Variants in NRG3 observed in about 807,000 individuals in gnomAD.
NRG3 encodes the protein pro-neuregulin-3, membrane-bound isoform.
In NRG3, 31 loss-of-function variants were observed where a neutral mutation model predicts 66.9. The ratio of observed to expected loss-of-function variants is 0.46; its 90% CI spans 0.35 to 0.63. The LOEUF (loss-of-function observed/expected upper bound fraction) is 0.63, where lower values mean the gene tolerates loss of function less well. Ranked by LOEUF, NRG3 falls within the 20% of genes least tolerant of loss-of-function variation. The pLI is 0.00. For missense variants in NRG3, 910 were observed against 878.9 expected (o/e 1.04, Z -0.45); for synonymous variants, 393 against 359.4 (o/e 1.09, Z -1.06).
chr10:81,897,193 T>C lies in NRG3; in HGVS notation c.823+21030T>C, dbSNP rs188698171. ...GCGTGCCTGAGCATAATAAACATGC[T>C]AAGGAGTGGTAGGAAGTGAAATGGG... On this transcript the variant is annotated intron_variant, in intron 1 of 8. Transcript: ENST00000372141. 5.5e-4 allele frequency among the ~76,000 whole-genome samples: 84 copies of C among 152,158 alleles called. 1 individual carries two copies. The South Asian group carries it at 0.012, about 22-fold the overall frequency.
intron 2 of NRG3, among the ~76,000 whole-genome samples, chr10:82,720,581 T>G (rs1376084557): frequency 6.6e-6 from 1 of 151,832 alleles, no homozygotes; most frequent in Non-Finnish European, 1.5e-5. Flanking sequence ...AACTTCAATC[T>G]CTAAACCTAC....
At chr10:81,923,769 A>T (rs991422050) in intron 1 of NRG3, among the ~76,000 whole-genome samples, 3 of 151,964 alleles carry the variant, frequency 2.0e-5, no homozygotes. Context: ...TGAACCACAT[A>T]ATGTTTTGTT....
chr10:82,342,981 C>A (rs2082762962), intron 1 of NRG3, among the ~76,000 whole-genome samples: 2 of 152,052 alleles, frequency 1.3e-5, no homozygotes, highest in African/African-American at 4.8e-5. Context: ...CATCCGTCTG[C>A]ATATGGTTAT....
At chr10:82,653,546 C>T (rs1484409613) in intron 2 of NRG3, among the ~76,000 whole-genome samples, 1 of 151,912 alleles carries the variant, frequency 6.6e-6, no homozygotes, top group Non-Finnish European at 1.5e-5. Flanking sequence ...GACATTTCTT[C>T]TTGTAAGGCC....
chr10:82,208,920 G>A (rs907245262), intron 1 of NRG3, among the ~76,000 whole-genome samples: 3 of 152,032 alleles, frequency 2.0e-5, no homozygotes, highest in Non-Finnish European at 4.4e-5. Flanking sequence ...GGAACATATG[G>A]TCCATGTTCA....
intron 3 of NRG3, among the ~76,000 whole-genome samples, chr10:82,751,327 G>A (rs146580736): frequency 1.3e-5 from 2 of 152,138 alleles, no homozygotes; most frequent in Middle Eastern, 3.4e-3. Context: ...CCATGAGAAG[G>A]TTATCAAATT....
intron 3 of NRG3, among the ~76,000 whole-genome samples, chr10:82,829,747 G>GAACTCC (rs1564543466): frequency 2.6e-5 from 4 of 152,168 alleles, no homozygotes; most frequent in African/African-American, 9.7e-5. Flanking sequence ...TTGTTTGGTT[G>GAACTCC]TGTGATTACA....
intron 3 of NRG3, among the ~76,000 whole-genome samples, chr10:82,764,688 A>G (rs1053608098): frequency 6.6e-6 from 1 of 152,140 alleles, no homozygotes; most frequent in African/African-American, 2.4e-5. Flanking sequence ...CAAATAAAAA[A>G]TTTTTAAAAA....
At chr10:82,977,229 C>G (rs1450950676) in intron 7 of NRG3, among the ~76,000 whole-genome samples, 1 of 152,164 alleles carries the variant, frequency 6.6e-6, no homozygotes, top group African/African-American at 2.4e-5. Context: ...AGCAAATTAG[C>G]TGTTAGAGAG....
intron 2 of NRG3, among the ~76,000 whole-genome samples, chr10:82,589,542 C>A (rs910867509): frequency 6.6e-6 from 1 of 152,136 alleles, no homozygotes; most frequent in African/African-American, 2.4e-5. Context: ...TAATGAGGGG[C>A]AATTCTGCTT....
intron 1 of NRG3, among the ~76,000 whole-genome samples, chr10:82,282,740 G>A (rs916554158): frequency 6.6e-6 from 1 of 152,142 alleles, no homozygotes; most frequent in Non-Finnish European, 1.5e-5. Context: ...GATGGGACAT[G>A]GTGGTCCCCT....
intron 4 of NRG3, 23 bp downstream of exon 4, chr10:82,865,460 T>G (rs759185982): frequency 8.1e-6 from 13 of 1,610,086 alleles, no homozygotes; most frequent in Non-Finnish European, 1.1e-5. Context: ...AATTTGCTCA[T>G]TTAATATCCT....
intron 2 of NRG3, among the ~76,000 whole-genome samples, chr10:82,577,044 A>G (rs1342332604): frequency 1.3e-5 from 2 of 151,588 alleles, no homozygotes; most frequent in African/African-American, 2.4e-5. Context: ...TGTTCCTCTA[A>G]TTTCTACTTT....
chr10:82,120,469 C>A (rs1033365923), intron 1 of NRG3, among the ~76,000 whole-genome samples: 1 of 151,850 alleles, frequency 6.6e-6, no homozygotes, highest in African/African-American at 2.4e-5. Context: ...GCTTATTAAC[C>A]CAGGGTTTAT....
Position 82,003,862 on chromosome 10 carries a change from A to G in NRG3, c.823+127699A>G, listed in dbSNP as rs564573986. ...AGGAAGTTGCTGTGCCTTAAAAATG[A>G]CACCTTAGAGCTGGGTGTGTTGGCA... is the stretch of plus-strand genomic sequence containing the variant. On this transcript the variant is annotated intron_variant, in intron 1 of 8. Transcript: ENST00000372141. 1.3e-4 allele frequency among the ~76,000 whole-genome samples: 20 copies of G among 152,100 alleles called. No homozygotes were observed. In the East Asian group the frequency reaches 3.3e-3, roughly 25 times the overall value.
At chr10:82,471,166 A>G in intron 2 of NRG3, among the ~76,000 whole-genome samples, 1 of 152,238 alleles carries the variant, frequency 6.6e-6, no homozygotes, top group East Asian at 1.9e-4. Flanking sequence ...TTGGATGAAA[A>G]GGGGAAAAAG....
chr10:82,302,146 A>G (rs78022723), intron 1 of NRG3, among the ~76,000 whole-genome samples: 5,379 of 151,246 alleles, frequency 0.036, 142 homozygotes, highest in African/African-American at 0.079. Context: ...TTTTGACTCC[A>G]TTAAAGGTTA....
intron 3 of NRG3, among the ~76,000 whole-genome samples, chr10:82,820,981 A>G (rs2061927730): frequency 6.6e-6 from 1 of 152,218 alleles, no homozygotes; most frequent in African/African-American, 2.4e-5. Flanking sequence ...TTTGGTGCAC[A>G]TTAAAAAGAC....
chr10:82,836,673 T>A (rs2135716568), intron 3 of NRG3, among the ~76,000 whole-genome samples: 1 of 152,170 alleles, frequency 6.6e-6, no homozygotes, highest in South Asian at 2.1e-4. Context: ...GTGTAGGTTA[T>A]ATGCAAATAC....
Sources: gnomAD v4.1 joint callset for allele counts (sites outside exome capture counted in the v4.1 genomes callset) on GRCh38, gnomAD v4.1.1 for gene constraint, MANE v1.5 for transcripts, NCBI Gene and HGNC (gene_info 2026-07-23, HGNC 2026-07-21) for gene names.